DNAJC6: variants seen among roughly 807,000 people sequenced by gnomAD.
The protein encoded by DNAJC6 is auxilin.
In DNAJC6, 34 loss-of-function variants were observed where a neutral mutation model predicts 110.0. The observed-to-expected ratio is 0.31, with a 90% CI of 0.24 to 0.41. The LOEUF (loss-of-function observed/expected upper bound fraction) is 0.41, where lower values mean the gene tolerates loss of function less well. Ranked by LOEUF, DNAJC6 falls within the 10% of genes least tolerant of loss-of-function variation. The pLI is 1.00. For missense variants in DNAJC6, 1,031 were observed against 1,207.8 expected (o/e 0.85, Z 2.17); for synonymous variants, 406 against 437.2 (o/e 0.93, Z 0.89).
chr1:65,335,528 AG>A (rs1234322444), intron 1 of DNAJC6, among the ~76,000 whole-genome samples: 1 of 152,198 alleles, frequency 6.6e-6, no homozygotes. Flanking sequence ...GAGTTCATAT[AG>A]GGTGATCAGG....
intron 18 of DNAJC6, among the ~76,000 whole-genome samples, chr1:65,412,419 C>T (rs1646137146): frequency 6.6e-6 from 1 of 152,182 alleles, no homozygotes; most frequent in African/African-American, 2.4e-5. Context: ...ATATGATTTT[C>T]ATCTCTCCAC....
chr1:65,334,976 CCACCCTTTGGTAAA>C (rs1645321610), intron 1 of DNAJC6, among the ~76,000 whole-genome samples: 1 of 152,204 alleles, frequency 6.6e-6, no homozygotes, highest in African/African-American at 2.4e-5. Flanking sequence ...GCCTATCCTA[CCACCCTTTGGTAAA>C]CACCCTGTGC....
At chr1:65,373,624 A>AT (rs1262673634) in intron 4 of DNAJC6, among the ~76,000 whole-genome samples, 137 of 116,876 alleles carry the variant, frequency 1.2e-3, no homozygotes, top group Non-Finnish European at 2.2e-3. Context: ...CCAGTTTTTA[A>AT]TTTGTTTTTT....
chr1:65,355,885 T>TA (rs1197988769), intron 1 of DNAJC6, among the ~76,000 whole-genome samples: 2 of 146,178 alleles, frequency 1.4e-5, no homozygotes, highest in Non-Finnish European at 3.0e-5. Context: ...AGCATGGCTT[T>TA]TTTTTTTTTT....
chr1:65,280,684 G>A (rs1481996618), intron 1 of DNAJC6, among the ~76,000 whole-genome samples: 3 of 152,086 alleles, frequency 2.0e-5, no homozygotes, highest in East Asian at 3.9e-4. Context: ...AAATCCATTG[G>A]CCTGGAAGTT....
At chr1:65,311,341 C>T (rs1247734120) in intron 1 of DNAJC6, among the ~76,000 whole-genome samples, 1 of 151,020 alleles carries the variant, frequency 6.6e-6, no homozygotes, top group Admixed American at 6.6e-5. Flanking sequence ...TCTCCTGCCT[C>T]AGCCTCCTGA....
chr1:65,283,166 GT>G (rs796989384), intron 1 of DNAJC6, among the ~76,000 whole-genome samples: 39 of 152,250 alleles, frequency 2.6e-4, no homozygotes, highest in African/African-American at 9.1e-4. Context: ...ACATGCACTA[GT>G]TTATGTGTGT....
intron 1 of DNAJC6, among the ~76,000 whole-genome samples, chr1:65,287,185 A>G (rs1434972931): frequency 2.6e-5 from 4 of 152,246 alleles, no homozygotes; most frequent in Non-Finnish European, 4.4e-5. Context: ...CAGATATCCT[A>G]ATACACTGAA....
At chr1:65,390,990 T>C (rs1181170394) in intron 11 of DNAJC6, among the ~76,000 whole-genome samples, 1 of 152,178 alleles carries the variant, frequency 6.6e-6, no homozygotes, top group South Asian at 2.1e-4. Flanking sequence ...GACTCTGAAA[T>C]AGGTTTTAGT....
rs1312055301 is a variant in DNAJC6, at chr1:65,380,911, G to GTTTTTTTTTTTTTTTTT, written c.666+1391_666+1392insTTTTTTTTTTTTTTTTT. 4.0e-4 allele frequency among the ~76,000 whole-genome samples: 46 copies of GTTTTTTTTTTTTTTTTT among 114,892 alleles called. 9 individuals are homozygous for GTTTTTTTTTTTTTTTTT. Among genetic ancestry groups the GTTTTTTTTTTTTTTTTT allele is most frequent in the African/African-American group, 2.0e-3 (46 of 23,292 alleles). The allele number at this position is 114,892 out of a possible 152,430, so 75.4% of individuals were successfully genotyped here. The stretch of plus-strand genomic sequence containing the variant: ...GGGAGTTTTTTTTTTTTTGTTTTTT[G>GTTTTTTTTTTTTTTTTT]TTTTGTTTTGTTTTTTTTTTTTTTT... On this transcript the variant is annotated intron_variant, in intron 5 of 18. Transcript: ENST00000371069.
chr1:65,373,793 C>A (rs1409284824), intron 4 of DNAJC6, among the ~76,000 whole-genome samples: 20 of 152,026 alleles, frequency 1.3e-4, no homozygotes, highest in Non-Finnish European at 1.5e-5. Context: ...TTCATATAGT[C>A]CCAATTGTGT....
intron 1 of DNAJC6, among the ~76,000 whole-genome samples, chr1:65,354,488 T>C (rs1645523326): frequency 6.6e-6 from 1 of 152,196 alleles, no homozygotes. Flanking sequence ...ATGAGGATGA[T>C]GATAGTGTTA....
intron 1 of DNAJC6, among the ~76,000 whole-genome samples, chr1:65,280,911 T>TA (rs967402776): frequency 1.3e-5 from 2 of 152,096 alleles, no homozygotes; most frequent in African/African-American, 4.8e-5. Flanking sequence ...ATTACATGGC[T>TA]AAAAAAAATT....
intron 4 of DNAJC6, among the ~76,000 whole-genome samples, chr1:65,366,829 G>C (rs2101560977): frequency 6.6e-6 from 1 of 152,138 alleles, no homozygotes; most frequent in African/African-American, 2.4e-5. Context: ...GATATGATTG[G>C]TTCTGCAACT....
rs78316678 is a variant in DNAJC6 at position 65,404,852 on chromosome 1, T to C, written c.2228-1018T>C. Among the ~76,000 whole-genome samples, 1,279 of 152,286 alleles carry C rather than the reference T, an allele frequency of 8.4e-3. 17 individuals carry two copies. The highest frequency in any genetic ancestry group is 0.03 in the African/African-American group (1,236 of 41,554). On this transcript the variant is annotated intron_variant, in intron 15 of 18. Transcript: ENST00000371069. Reference sequence around the variant, plus strand: ...TTAATTGGCTGTGTGATCATGAGTATATCAGGAAACCTCTCTGAGCCTTAA... The same window carrying C: ...TTAATTGGCTGTGTGATCATGAGTACATCAGGAAACCTCTCTGAGCCTTAA...
At chr1:65,412,137 A>G (rs1646135065) in intron 18 of DNAJC6, among the ~76,000 whole-genome samples, 1 of 152,246 alleles carries the variant, frequency 6.6e-6, no homozygotes, top group South Asian at 2.1e-4. Flanking sequence ...GTGAGAATCA[A>G]TAAAATATTC....
intron 1 of DNAJC6, among the ~76,000 whole-genome samples, chr1:65,353,038 C>A (rs1294158633): frequency 2.6e-5 from 4 of 152,130 alleles, no homozygotes; most frequent in African/African-American, 9.7e-5. Context: ...GACCATCAGT[C>A]CTCTGCTATC....
At chr1:65,352,217 T>G (rs1645497214) in intron 1 of DNAJC6, among the ~76,000 whole-genome samples, 1 of 152,240 alleles carries the variant, frequency 6.6e-6, no homozygotes, top group South Asian at 2.1e-4. Flanking sequence ...ATTGCTAATA[T>G]TCTATTGAGT....
chr1:65,398,604 G>A (rs568654284), intron 13 of DNAJC6, among the ~76,000 whole-genome samples: 1 of 152,330 alleles, frequency 6.6e-6, no homozygotes, highest in Admixed American at 6.5e-5. Context: ...TGTCGTTTCT[G>A]TCAAGCCTCA....
Sources: gnomAD v4.1 joint callset for allele counts (sites outside exome capture counted in the v4.1 genomes callset) on GRCh38, gnomAD v4.1.1 for gene constraint, MANE v1.5 for transcripts, NCBI Gene and HGNC (gene_info 2026-07-23, HGNC 2026-07-21) for gene names.